CADM2: variants seen among roughly 807,000 people sequenced by gnomAD.
CADM2 encodes cell adhesion molecule 2.
CADM2 carries 12 observed loss-of-function variants against 49.8 expected under a neutral mutation model. The ratio of observed to expected loss-of-function variants is 0.24; its 90% CI spans 0.15 to 0.39. The LOEUF (loss-of-function observed/expected upper bound fraction) is 0.39, where lower values mean the gene tolerates loss of function less well. Ranked by LOEUF, CADM2 falls within the 10% of genes least tolerant of loss-of-function variation. CADM2 has a pLI of 1.00. For synonymous variants in CADM2, 214 were observed against 175.4 expected (o/e 1.22, Z -1.74); for missense variants, 378 against 492.3 (o/e 0.77, Z 2.20).
rs372108050 is a variant in CADM2 at position 85,543,420 on chromosome 3, A to ATGTGTGTGGGGGGGGGTGTGTGTGTG, written c.62-183094_62-183093insGGGGGGGGTGTGTGTGTGTGTGTGTG. ...CAGGCACCGCCACCATGCCAAGCTA[A>ATGTGTGTGGGGGGGGGTGTGTGTGTG]TGTGTGTGTGTGTGTGTGTGTGTGT... On this transcript the variant is annotated intron_variant, in intron 1 of 9. Coordinates refer to ENST00000383699, the MANE Select transcript of CADM2 (RefSeq NM_001167675.2). 1.2e-4 allele frequency among the ~76,000 whole-genome samples: 16 copies of ATGTGTGTGGGGGGGGGTGTGTGTGTG among 129,642 alleles called. No individual in the cohort carries two copies. The South Asian group carries it at 3.6e-3, about 29-fold the overall frequency. 85.1% of individuals were successfully genotyped at this position (129,642 alleles called of 152,430 possible).
At chr3:85,722,598 A>C (rs144026462) in intron 1 of CADM2, among the ~76,000 whole-genome samples, 340 of 152,332 alleles carry the variant, frequency 2.2e-3, no homozygotes, top group African/African-American at 7.2e-3. Context: ...ATAACTTTCT[A>C]ACAAACACTT....
intron 1 of CADM2, among the ~76,000 whole-genome samples, chr3:85,713,694 A>T (rs190204231): frequency 6.8e-4 from 104 of 152,296 alleles, no homozygotes; most frequent in Non-Finnish European, 1.2e-3. Context: ...ATTACGGTAA[A>T]AACTACTAAA....
At chr3:85,973,780 G>A (rs529078401) in intron 8 of CADM2, among the ~76,000 whole-genome samples, 1 of 151,886 alleles carries the variant, frequency 6.6e-6, no homozygotes, top group East Asian at 2.0e-4. Flanking sequence ...TCCTCCCATA[G>A]CAGTATGTCA....
chr3:85,403,017 A>G (rs1473062033), intron 1 of CADM2, among the ~76,000 whole-genome samples: 1 of 152,168 alleles, frequency 6.6e-6, no homozygotes, highest in Admixed American at 6.5e-5. Flanking sequence ...CTCACGGTAA[A>G]CATACCTGAA....
At chr3:85,774,584 G>A (rs1384530663) in intron 2 of CADM2, among the ~76,000 whole-genome samples, 1 of 151,148 alleles carries the variant, frequency 6.6e-6, no homozygotes, top group East Asian at 1.9e-4. Flanking sequence ...CTTGCAACCA[G>A]AAATATTGCT....
intron 8 of CADM2, among the ~76,000 whole-genome samples, chr3:86,057,364 AAGC>A (rs1738115308): frequency 6.6e-6 from 1 of 152,150 alleles, no homozygotes; most frequent in Admixed American, 6.5e-5. Context: ...AAACTATAAA[AAGC>A]AGTAATTAAG....
At chr3:85,158,738 G>A (rs2107662738) in intron 1 of CADM2, among the ~76,000 whole-genome samples, 1 of 152,158 alleles carries the variant, frequency 6.6e-6, no homozygotes, top group Admixed American at 6.5e-5. Flanking sequence ...TATACCTAAT[G>A]CTAGATGACG....
intron 1 of CADM2, among the ~76,000 whole-genome samples, chr3:85,444,499 C>T (rs1171344746): frequency 6.6e-6 from 1 of 151,552 alleles, no homozygotes; most frequent in Non-Finnish European, 1.5e-5. Context: ...CCTTACTGTT[C>T]TCTCCACATT....
chr3:85,153,911 A>G (rs1163709000), intron 1 of CADM2, among the ~76,000 whole-genome samples: 7 of 152,288 alleles, frequency 4.6e-5, no homozygotes, highest in East Asian at 3.9e-4. Flanking sequence ...ACAAACAGAA[A>G]GGACATCCAC....
chr3:85,491,702 A>G (rs1169126451), intron 1 of CADM2, among the ~76,000 whole-genome samples: 1 of 152,124 alleles, frequency 6.6e-6, no homozygotes, highest in Non-Finnish European at 1.5e-5. Flanking sequence ...CTGTAATCCC[A>G]GCACTTCGGG....
At chr3:85,878,216 T>G (rs1308183009) in intron 3 of CADM2, among the ~76,000 whole-genome samples, 2 of 152,104 alleles carry the variant, frequency 1.3e-5, no homozygotes, top group African/African-American at 4.8e-5. Flanking sequence ...TAAATATATA[T>G]TCATATATTT....
rs58932967 is a variant in CADM2 at position 85,180,514 on chromosome 3, G to GAA, written c.61+220868_61+220869dup. Among the ~76,000 whole-genome samples the GAA allele has an allele frequency of 8.9e-3, 689 of 77,216 alleles. 2 individuals are homozygous for GAA. The highest frequency in any genetic ancestry group is 0.011 in the Middle Eastern group (1 of 94). The allele number at this position is 77,216 out of a possible 152,430, so 50.7% of individuals were successfully genotyped here. ...AAAGAGTGAGACCCTGTCTCAAAAA[G>GAA]AAAAAAAAAAAAAAAAAAAAAAAGA... is the stretch of plus-strand genomic sequence containing the variant. On this transcript the variant is annotated intron_variant, in intron 1 of 9. Coordinates refer to ENST00000383699, the MANE Select transcript of CADM2 (RefSeq NM_001167675.2).
intron 3 of CADM2, among the ~76,000 whole-genome samples, chr3:85,857,956 T>C (rs2075378912): frequency 6.6e-6 from 1 of 152,148 alleles, no homozygotes; most frequent in Non-Finnish European, 1.5e-5. Flanking sequence ...CTGCAGGTAA[T>C]GAGTTACCAG....
At chr3:84,994,391 A>G (rs2033066367) in intron 1 of CADM2, among the ~76,000 whole-genome samples, 2 of 152,178 alleles carry the variant, frequency 1.3e-5, no homozygotes, top group African/African-American at 4.8e-5. Context: ...GGCTATATTT[A>G]TAGCAAACCT....
intron 2 of CADM2, among the ~76,000 whole-genome samples, chr3:85,732,504 G>A (rs887251703): frequency 2.6e-5 from 4 of 152,080 alleles, no homozygotes; most frequent in African/African-American, 4.8e-5. Flanking sequence ...AGTACCTTTA[G>A]GAAGATTGCC....
intron 1 of CADM2, among the ~76,000 whole-genome samples, chr3:85,098,358 T>C (rs192698262): frequency 9.9e-5 from 15 of 152,044 alleles, no homozygotes; most frequent in African/African-American, 3.6e-4. Flanking sequence ...AAAAAAAATA[T>C]GACCAAAGTT....
intron 1 of CADM2, among the ~76,000 whole-genome samples, chr3:85,048,031 A>T (rs2035734025): frequency 6.6e-6 from 1 of 152,136 alleles, no homozygotes; most frequent in South Asian, 2.1e-4. Flanking sequence ...GCTCAGCACC[A>T]TGTTCTATAT....
At chr3:85,347,205 GA>G in intron 1 of CADM2, among the ~76,000 whole-genome samples, 1 of 81,446 alleles carries the variant, frequency 1.2e-5, no homozygotes, top group Non-Finnish European at 2.1e-5. Flanking sequence ...CTGGTCAACA[GA>G]GTGACACTCT....
chr3:86,041,081 A>G (rs11918126), intron 8 of CADM2, among the ~76,000 whole-genome samples: 35,554 of 152,016 alleles, frequency 0.23, 4,584 homozygotes, highest in African/African-American at 0.34. Flanking sequence ...CCTGAAGGAA[A>G]CACTAAACGT....
Sources: allele counts gnomAD v4.1 joint callset (sites outside exome capture counted in the v4.1 genomes callset), GRCh38; gene constraint gnomAD v4.1.1; transcripts MANE v1.5; gene names NCBI Gene and HGNC (gene_info 2026-07-23, HGNC 2026-07-21).